Variants in PCDHA1 observed in about 807,000 individuals in gnomAD.
PCDHA1 encodes the protein protocadherin alpha 1, also known as protocadherin alpha-1.
Under a neutral mutation model 61.3 loss-of-function variants are expected in PCDHA1, and 42 were observed. That is an observed-to-expected ratio of 0.69 (90% CI 0.54 to 0.89). PCDHA1 has a LOEUF of 0.89. PCDHA1 is among the 40% of genes least tolerant of loss of function. PCDHA1 has a pLI of 0.00. For missense variants in PCDHA1, 1,256 were observed against 1,235.3 expected, an observed-to-expected ratio of 1.02 and a Z score of -0.25; for synonymous variants, 610 against 553.8, an observed-to-expected ratio of 1.10 and a Z score of -1.43.
chr5:141,004,591 A>G (rs1277305361), intron 3 of PCDHA1, among the ~76,000 whole-genome samples: 3 of 152,222 alleles, frequency 2.0e-5, no homozygotes, highest in Non-Finnish European at 2.9e-5. Context: ...TCTCCAGATG[A>G]CAGTGCTTAG....
intron 1 of PCDHA1, chr5:140,863,348 C>G (rs548906600): frequency 3.0e-5 from 39 of 1,313,260 alleles, no homozygotes; most frequent in Non-Finnish European, 4.0e-5. Flanking sequence ...CTGCTGTACA[C>G]GACGCTGCGG....
chr5:140,860,155 A>G (rs1159738413), intron 1 of PCDHA1: 2 of 149,648 alleles, frequency 1.3e-5, no homozygotes, highest in African/African-American at 4.9e-5. Flanking sequence ...ATATATGTGT[A>G]TATATATATG....
chr5:140,918,429 G>A (rs2078693094), intron 1 of PCDHA1, among the ~76,000 whole-genome samples: 1 of 152,164 alleles, frequency 6.6e-6, no homozygotes, highest in Non-Finnish European at 1.5e-5. Flanking sequence ...GTAGGATGTT[G>A]AATAGGAGTG....
At chr5:140,875,779 A>G (rs1174243985) in intron 1 of PCDHA1, 1 of 1,614,194 alleles carries the variant, frequency 6.2e-7, no homozygotes, top group Non-Finnish European at 8.5e-7. Context: ...CGCGGAGTGC[A>G]GTATCCACCT....
intron 1 of PCDHA1, among the ~76,000 whole-genome samples, chr5:140,961,502 T>C (rs6891232): frequency 0.023 from 3,568 of 152,334 alleles, 49 homozygotes; most frequent in Middle Eastern, 0.034. Context: ...TTGGGAGACT[T>C]TGTTTAATGT....
At chr5:140,835,601 A>G (rs2150239166) in intron 1 of PCDHA1, 39 of 1,613,774 alleles carry the variant, frequency 2.4e-5, no homozygotes, top group African/African-American at 6.7e-5. Flanking sequence ...ATTACTATTC[A>G]TTGGTGCTGG....
At chr5:140,939,441 T>A (rs1471285631) in intron 1 of PCDHA1, among the ~76,000 whole-genome samples, 1 of 152,274 alleles carries the variant, frequency 6.6e-6, no homozygotes, top group East Asian at 1.9e-4. Flanking sequence ...TTTGAAGAAT[T>A]AAGAGTGAAA....
intron 1 of PCDHA1, chr5:140,884,328 T>C: frequency 1.2e-6 from 2 of 1,613,822 alleles, no homozygotes; most frequent in Non-Finnish European, 1.7e-6. Flanking sequence ...GCAGGCGCTG[T>C]GGGTCCAGAA....
At chr5:140,818,933 T>G (rs1766460810) in intron 1 of PCDHA1, among the ~76,000 whole-genome samples, 1 of 152,224 alleles carries the variant, frequency 6.6e-6, no homozygotes. Flanking sequence ...TGAGATTATT[T>G]GACATGAACA....
chr5:140,871,467 G>A (rs782618131), intron 1 of PCDHA1: 18 of 1,602,610 alleles, frequency 1.1e-5, no homozygotes, highest in Non-Finnish European at 1.3e-5. Context: ...GGGAAAGACA[G>A]GAGCCAGGGT....
At chr5:140,913,384 C>T (rs1018271300) in intron 1 of PCDHA1, among the ~76,000 whole-genome samples, 1 of 152,144 alleles carries the variant, frequency 6.6e-6, no homozygotes, top group Non-Finnish European at 1.5e-5. Flanking sequence ...AGTGGCTCAT[C>T]ATAGCCACTA....
intron 1 of PCDHA1, chr5:140,829,547 G>A (rs2150169792): frequency 2.5e-6 from 4 of 1,612,860 alleles, no homozygotes; most frequent in African/African-American, 1.3e-5. Flanking sequence ...GGACGCGCAG[G>A]AGAACGCGCT....
At chr5:140,967,730 G>A (rs2096176474) in intron 1 of PCDHA1, 1 of 1,614,146 alleles carries the variant, frequency 6.2e-7, no homozygotes, top group Non-Finnish European at 8.5e-7. Context: ...AGTAATTGGG[G>A]GGCTGGATTA....
chr5:140,843,045 G>A (rs1219663342), intron 1 of PCDHA1: 1 of 1,594,956 alleles, frequency 6.3e-7, no homozygotes, highest in Non-Finnish European at 8.6e-7. Flanking sequence ...GGCACTGGTG[G>A]CGCAGCGAGC....
intron 1 of PCDHA1, among the ~76,000 whole-genome samples, chr5:140,910,901 C>T (rs1433262630): frequency 6.6e-6 from 1 of 152,142 alleles, no homozygotes; most frequent in African/African-American, 2.4e-5. Context: ...CTATGCCTGT[C>T]CTCCAGATTT....
At chr5:140,978,424 TCA>T (rs2096801674) in intron 1 of PCDHA1, among the ~76,000 whole-genome samples, 1 of 152,238 alleles carries the variant, frequency 6.6e-6, no homozygotes, top group Non-Finnish European at 1.5e-5. Flanking sequence ...GAGACTGTTA[TCA>T]GTTGCTGGTG....
chr5:140,904,873 G>C (rs1309196167), intron 1 of PCDHA1, among the ~76,000 whole-genome samples: 1 of 151,932 alleles, frequency 6.6e-6, no homozygotes, highest in Non-Finnish European at 1.5e-5. Flanking sequence ...TATGTCCTTA[G>C]CTCACTTTTT....
intron 1 of PCDHA1, among the ~76,000 whole-genome samples, chr5:140,833,594 G>T (rs2150209670): frequency 4.6e-5 from 7 of 152,162 alleles, no homozygotes; most frequent in Non-Finnish European, 7.4e-5. Context: ...AGTATATATA[G>T]ATTCTGCTAA....
intron 1 of PCDHA1, chr5:140,830,416 C>A: frequency 1.9e-6 from 3 of 1,614,014 alleles, no homozygotes; most frequent in Non-Finnish European, 1.7e-6. Flanking sequence ...TTAGCCCCAG[C>A]CTTTCACCTT....
Sources: gnomAD v4.1 joint callset for allele counts (sites outside exome capture counted in the v4.1 genomes callset) on GRCh38, gnomAD v4.1.1 for gene constraint, MANE v1.5 for transcripts, NCBI Gene and HGNC (gene_info 2026-07-23, HGNC 2026-07-21) for gene names.